The following AFG2A variants were observed in gnomAD, a reference collection of about 807,000 sequenced individuals.
The protein encoded by AFG2A is ATPase family gene 2 protein homolog A.
At chr4:122,969,956 G>A in the AFG2A span, among the ~76,000 whole-genome samples, 1 of 152,168 alleles carries the variant, frequency 6.6e-6, no homozygotes, top group South Asian at 2.1e-4. Flanking sequence ...GGCTCTGTAA[G>A]ATTATAATGG....
the AFG2A span, among the ~76,000 whole-genome samples, chr4:122,949,098 C>T: frequency 6.6e-6 from 1 of 152,112 alleles, no homozygotes; most frequent in Admixed American, 6.5e-5. Flanking sequence ...GCCTGCATGG[C>T]CTGGGTTAGA....
the AFG2A span, among the ~76,000 whole-genome samples, chr4:123,192,032 T>C: frequency 2.0e-5 from 3 of 151,970 alleles, no homozygotes; most frequent in Non-Finnish European, 2.9e-5. Context: ...TTTTCTTCTT[T>C]TTTTTTTTTC....
chr4:123,193,346 T>C, the AFG2A span, among the ~76,000 whole-genome samples: 1 of 152,236 alleles, frequency 6.6e-6, no homozygotes, highest in African/African-American at 2.4e-5. Context: ...TTAAAGTTCC[T>C]CTGTTTTCTG....
the AFG2A span, among the ~76,000 whole-genome samples, chr4:123,145,716 A>G: frequency 5.9e-5 from 9 of 152,022 alleles, no homozygotes; most frequent in African/African-American, 1.9e-4. Context: ...TCTTCCAAAT[A>G]TTTACTCATT....
At chr4:123,315,747 A>T in the AFG2A span, 1 of 152,172 alleles carries the variant, frequency 6.6e-6, no homozygotes, top group African/African-American at 2.4e-5. Context: ...TATCAAAATA[A>T]TGGGCTATAC....
chr4:123,062,537 A>G, the AFG2A span, among the ~76,000 whole-genome samples: 3 of 151,502 alleles, frequency 2.0e-5, no homozygotes, highest in African/African-American at 7.3e-5. Flanking sequence ...TCAATTATTG[A>G]GCTCTTACTA....
At chr4:123,140,643 G>A in the AFG2A span, among the ~76,000 whole-genome samples, 11 of 151,766 alleles carry the variant, frequency 7.2e-5, no homozygotes, top group African/African-American at 2.7e-4. Flanking sequence ...AAAGTTGATT[G>A]CTTATTATCA....
the AFG2A span, among the ~76,000 whole-genome samples, chr4:123,048,395 A>G: frequency 6.6e-6 from 1 of 152,206 alleles, no homozygotes; most frequent in African/African-American, 2.4e-5. Context: ...TTTCTACCAA[A>G]GAATGCCCTT....
the AFG2A span, among the ~76,000 whole-genome samples, chr4:123,227,682 A>G: frequency 6.6e-6 from 1 of 152,150 alleles, no homozygotes; most frequent in Non-Finnish European, 1.5e-5. Context: ...AAGAATGTAT[A>G]TTCGGTTGAT....
At chr4:122,986,396 T>C in the AFG2A span, among the ~76,000 whole-genome samples, 1 of 152,210 alleles carries the variant, frequency 6.6e-6, no homozygotes, top group Non-Finnish European at 1.5e-5. Flanking sequence ...ACTATTATTG[T>C]GTTGCTGTCT....
chr4:123,206,655 G>C, the AFG2A span, among the ~76,000 whole-genome samples: 2 of 152,096 alleles, frequency 1.3e-5, no homozygotes, highest in East Asian at 3.9e-4. Context: ...TTTTCCTTTC[G>C]ATCCAGTGTC....
chr4:123,297,078 G>A, the AFG2A span, among the ~76,000 whole-genome samples: 1 of 152,098 alleles, frequency 6.6e-6, no homozygotes, highest in African/African-American at 2.4e-5. Flanking sequence ...AACCGCCCCA[G>A]ATTGGAGTTT....
the AFG2A span, among the ~76,000 whole-genome samples, chr4:123,216,407 T>C: frequency 2.0e-5 from 3 of 152,138 alleles, no homozygotes; most frequent in East Asian, 5.8e-4. Flanking sequence ...TAATCCAAGA[T>C]TGAATCTGCC....
At chr4:122,958,952 G>A in the AFG2A span, among the ~76,000 whole-genome samples, 1 of 152,174 alleles carries the variant, frequency 6.6e-6, no homozygotes, top group Non-Finnish European at 1.5e-5. Context: ...TTGATTCGCT[G>A]ATTTAGGCAA....
chr4:123,160,379 T>C, the AFG2A span, among the ~76,000 whole-genome samples: 209 of 152,282 alleles, frequency 1.4e-3, 1 homozygote, highest in African/African-American at 4.9e-3. Context: ...GTGGCCAGCT[T>C]CTTATATTAT....
chr4:123,145,868 T>C, the AFG2A span, among the ~76,000 whole-genome samples: 2 of 152,258 alleles, frequency 1.3e-5, no homozygotes, highest in South Asian at 2.1e-4. Flanking sequence ...AGTAATTTAA[T>C]GTATTTTTAT....
the AFG2A span, among the ~76,000 whole-genome samples, chr4:123,266,404 T>C: frequency 1.3e-5 from 2 of 151,984 alleles, no homozygotes; most frequent in African/African-American, 4.8e-5. Flanking sequence ...AAGTGCTCAG[T>C]AAATAAATTT....
At chr4:123,277,070 G>T in the AFG2A span, among the ~76,000 whole-genome samples, 1 of 152,246 alleles carries the variant, frequency 6.6e-6, no homozygotes, top group African/African-American at 2.4e-5. Flanking sequence ...ATTACTTTGG[G>T]CAGTATGGCC....
the AFG2A span, among the ~76,000 whole-genome samples, chr4:123,280,387 A>G: frequency 2.6e-5 from 4 of 152,156 alleles, no homozygotes; most frequent in East Asian, 1.9e-4. Flanking sequence ...ACAAATAAAC[A>G]TTAGTTTTCT....
Sources: gnomAD v4.1 joint callset for allele counts (sites outside exome capture counted in the v4.1 genomes callset) on GRCh38, gnomAD v4.1.1 for gene constraint, MANE v1.5 for transcripts, NCBI Gene and HGNC (gene_info 2026-07-23, HGNC 2026-07-21) for gene names.